ARHGEF11: variants seen among roughly 807,000 people sequenced by gnomAD.
ARHGEF11 encodes the protein Rho guanine nucleotide exchange factor 11.
Under a neutral mutation model 193.7 loss-of-function variants are expected in ARHGEF11, and 55 were observed. The ratio of observed to expected loss-of-function variants is 0.28; its 90% CI spans 0.23 to 0.36. The LOEUF (loss-of-function observed/expected upper bound fraction) is 0.36, where lower values mean the gene tolerates loss of function less well. Among genes scored for constraint, ARHGEF11 ranks in the 10% least tolerant of loss-of-function variants. The pLI, the probability that ARHGEF11 is intolerant of heterozygous loss-of-function variation, is 1.00. For synonymous variants in ARHGEF11, 693 were observed against 768.0 expected, an observed-to-expected ratio of 0.90 and a Z score of 1.62; for missense variants, 1,723 against 2,005.6, an observed-to-expected ratio of 0.86 and a Z score of 2.69.
At chr1:156,950,664 AAAAC>A (rs553238000) in intron 22 of ARHGEF11, among the ~76,000 whole-genome samples, 23 of 151,698 alleles carry the variant, frequency 1.5e-4, no homozygotes, top group Non-Finnish European at 2.6e-4. Context: ...AAAAATCCCC[AAAAC>A]AAACAAACAA....
intron 1 of ARHGEF11, among the ~76,000 whole-genome samples, chr1:157,039,357 G>C (rs540707106): frequency 1.3e-5 from 2 of 152,286 alleles, no homozygotes; most frequent in African/African-American, 4.8e-5. Context: ...GAGGTCGAGG[G>C]CAGGTAAGCA....
At chr1:157,042,556 GAAT>G (rs1672892215) in intron 1 of ARHGEF11, among the ~76,000 whole-genome samples, 1 of 152,158 alleles carries the variant, frequency 6.6e-6, no homozygotes, top group Admixed American at 6.5e-5. Context: ...TGTGAAACAT[GAAT>G]AATAACCTCT....
intron 18 of ARHGEF11, among the ~76,000 whole-genome samples, chr1:156,956,921 G>A (rs1660038945): frequency 6.6e-6 from 1 of 152,210 alleles, no homozygotes. Flanking sequence ...GCCATAGGCA[G>A]ATGTGGAGGA....
At chr1:157,021,436 G>A (rs1669970757) in intron 1 of ARHGEF11, among the ~76,000 whole-genome samples, 1 of 152,144 alleles carries the variant, frequency 6.6e-6, no homozygotes, top group Non-Finnish European at 1.5e-5. Context: ...TAACCATCAA[G>A]GATGTAAATT....
At chr1:157,027,562 A>T (rs148201388) in intron 1 of ARHGEF11, among the ~76,000 whole-genome samples, 213 of 152,346 alleles carry the variant, frequency 1.4e-3, no homozygotes, top group African/African-American at 4.9e-3. Flanking sequence ...CCTCACTAGT[A>T]AGTTAGTTTT....
chr1:157,001,602 C>T (rs1667213023), intron 1 of ARHGEF11, among the ~76,000 whole-genome samples: 1 of 152,222 alleles, frequency 6.6e-6, no homozygotes, highest in Admixed American at 6.5e-5. Context: ...CAAAAGAATG[C>T]CCATTGGCTC....
chr1:156,958,507 C>A (rs1359407868), intron 17 of ARHGEF11, among the ~76,000 whole-genome samples: 1 of 152,132 alleles, frequency 6.6e-6, no homozygotes, highest in Non-Finnish European at 1.5e-5. Context: ...TCCTGGGGCC[C>A]GTGGTCTGTC....
intron 4 of ARHGEF11, 135 bp downstream of exon 4, chr1:156,980,302 T>C: frequency 1.0e-6 from 1 of 997,160 alleles, no homozygotes; most frequent in South Asian, 1.4e-5. Flanking sequence ...CTCCCTCGTA[T>C]GGTACCACTC....
At chr1:157,037,759 G>A (rs764076832) in intron 1 of ARHGEF11, among the ~76,000 whole-genome samples, 4 of 152,036 alleles carry the variant, frequency 2.6e-5, no homozygotes, top group South Asian at 4.2e-4. Flanking sequence ...GGCCATGCAC[G>A]GTGGCTCATG....
At chr1:157,030,805 CA>C (rs1432580331) in intron 1 of ARHGEF11, among the ~76,000 whole-genome samples, 1 of 152,016 alleles carries the variant, frequency 6.6e-6, no homozygotes, top group Non-Finnish European at 1.5e-5. Flanking sequence ...TGCCCTGGAC[CA>C]CCTCAATGAG....
chr1:156,963,131 G>GA, intron 13 of ARHGEF11, 72 bp downstream of exon 13: 1 of 1,226,292 alleles, frequency 8.2e-7, no homozygotes. Flanking sequence ...CCAGGGAGCA[G>GA]AAACAGAGGC....
chr1:156,985,901 G>A, intron 2 of ARHGEF11, 181 bp downstream of exon 2: 1 of 531,732 alleles, frequency 1.9e-6, no homozygotes, highest in Non-Finnish European at 3.4e-6. Flanking sequence ...GTAGTTCCCT[G>A]CTCCTGGGAG....
At chr1:157,012,733 TAA>T (rs1162681783) in intron 1 of ARHGEF11, among the ~76,000 whole-genome samples, 1 of 152,184 alleles carries the variant, frequency 6.6e-6, no homozygotes, top group Non-Finnish European at 1.5e-5. Flanking sequence ...TGACTCTGGA[TAA>T]AAAGAGTACC....
At chr1:157,043,323 C>T (rs1471331373) in intron 1 of ARHGEF11, among the ~76,000 whole-genome samples, 1 of 152,108 alleles carries the variant, frequency 6.6e-6, no homozygotes, top group Admixed American at 6.6e-5. Flanking sequence ...GTGTGCAGTG[C>T]CCACAAAACA....
chr1:157,039,411 A>G (rs1353870835), intron 1 of ARHGEF11, among the ~76,000 whole-genome samples: 1 of 152,226 alleles, frequency 6.6e-6, no homozygotes, highest in African/African-American at 2.4e-5. Context: ...AGCTGGCTCC[A>G]TCATCCACGT....
intron 10 of ARHGEF11, among the ~76,000 whole-genome samples, 174 bp downstream of exon 10, chr1:156,969,108 A>G (rs962149613): frequency 5.3e-5 from 8 of 152,200 alleles, no homozygotes; most frequent in African/African-American, 1.9e-4. Flanking sequence ...TGCATGTTGG[A>G]TGCATCTGAA....
rs574633182 is a variant in ARHGEF11, at chr1:157,000,710, G to A, written c.33-14537C>T. On this transcript the variant is annotated intron_variant, in intron 1 of 40. Transcript: ENST00000368194. ...ACCATCAAATGGGTAACTTGTGGAAGTAATGGGAGTTGATGGTATGAGGTC... is the reference window on the plus strand; with the variant it reads ...ACCATCAAATGGGTAACTTGTGGAAATAATGGGAGTTGATGGTATGAGGTC... 3.3e-5 allele frequency among the ~76,000 whole-genome samples: 5 copies of A among 152,334 alleles called. No individual in the cohort carries two copies. The East Asian group carries it at 7.7e-4, about 23-fold the overall frequency.
chr1:156,966,858 A>G (rs1661737869), intron 11 of ARHGEF11, among the ~76,000 whole-genome samples: 2 of 152,176 alleles, frequency 1.3e-5, no homozygotes, highest in South Asian at 4.1e-4. Context: ...TTTAAATTTT[A>G]TCTCTACTTT....
chr1:156,942,555 C>A, intron 33 of ARHGEF11, 135 bp downstream of exon 33: 2 of 736,632 alleles, frequency 2.7e-6, no homozygotes, highest in East Asian at 2.7e-5. Flanking sequence ...TGTCCTACCT[C>A]CCACTTCCTT....
Sources: allele counts gnomAD v4.1 joint callset (sites outside exome capture counted in the v4.1 genomes callset), GRCh38; gene constraint gnomAD v4.1.1; transcripts MANE v1.5; gene names NCBI Gene and HGNC (gene_info 2026-07-23, HGNC 2026-07-21).